CSMD3: variants seen among roughly 807,000 people sequenced by gnomAD.
CSMD3 encodes the protein CUB and sushi domain-containing protein 3.
In CSMD3, 177 loss-of-function variants were observed where a neutral mutation model predicts 435.2. The observed-to-expected ratio is 0.41, with a 90% CI of 0.36 to 0.46. The LOEUF is 0.46. Among genes scored for constraint, CSMD3 ranks in the 20% least tolerant of loss-of-function variants. The pLI is 0.34. For missense variants in CSMD3, 4,265 were observed against 4,504.6 expected (o/e 0.95, Z 1.52); for synonymous variants, 1,656 against 1,520.5 (o/e 1.09, Z -2.07).
At chr8:112,301,551 A>G (rs570198544) in intron 53 of CSMD3, among the ~76,000 whole-genome samples, 2 of 152,286 alleles carry the variant, frequency 1.3e-5, no homozygotes, top group East Asian at 3.9e-4. Flanking sequence ...TTTCACCATT[A>G]TATTTTCACC....
In CSMD3 at chr8:112,587,076, TCTC is replaced by T; in HGVS notation, c.3872_3874del (p.Gly1291del). The T allele has an allele frequency of 6.2e-7, 1 of 1,610,118 alleles. No homozygotes were observed. The highest frequency in any genetic ancestry group is 8.5e-7 in the Non-Finnish European group (1 of 1,177,298). The stretch of plus-strand genomic sequence containing the variant: ...TCTGAGTTCACCTACCTTAAGAACA[TCTC>T]CTTGTGCTAAATGAAATGTTCTGGC... On this transcript the variant is annotated inframe_deletion, in exon 23 of 71. Coordinates refer to ENST00000297405, the MANE Select transcript of CSMD3 (RefSeq NM_198123.2).
intron 5 of CSMD3, among the ~76,000 whole-genome samples, chr8:113,065,834 A>G (rs1344773229): frequency 6.6e-6 from 1 of 152,180 alleles, no homozygotes; most frequent in Non-Finnish European, 1.5e-5. Context: ...TCAAGTCAAT[A>G]GTTTTTATAT....
intron 10 of CSMD3, among the ~76,000 whole-genome samples, chr8:112,879,737 T>C (rs963325091): frequency 2.6e-5 from 4 of 152,056 alleles, no homozygotes; most frequent in Non-Finnish European, 5.9e-5. Context: ...AGAATCTACA[T>C]TGAAGTATCA....
intron 3 of CSMD3, among the ~76,000 whole-genome samples, chr8:113,218,205 A>T (rs2092927954): frequency 6.6e-6 from 1 of 150,510 alleles, no homozygotes; most frequent in African/African-American, 2.4e-5. Flanking sequence ...GCACAAAACT[A>T]TAGGGAATAT....
In CSMD3 at chr8:113,067,340, A is replaced by T. The variant is rs555760012; in HGVS notation, c.917+31416T>A. Among the ~76,000 whole-genome samples, 3 of 152,264 alleles carry T rather than the reference A, an allele frequency of 2.0e-5. No homozygotes were observed. In the South Asian group the frequency reaches 6.2e-4, roughly 32 times the overall value. On this transcript the variant is annotated intron_variant, in intron 5 of 70. Transcript: ENST00000297405. Reference sequence around the variant, plus strand: ...TGATTCCATTACAAACTTCTTAGACATATGAAATGTCTTCAGACTATTCAT... The same window carrying T: ...TGATTCCATTACAAACTTCTTAGACTTATGAAATGTCTTCAGACTATTCAT...
intron 35 of CSMD3, among the ~76,000 whole-genome samples, chr8:112,405,901 G>C (rs905002086): frequency 6.6e-6 from 1 of 152,032 alleles, no homozygotes; most frequent in Non-Finnish European, 1.5e-5. Flanking sequence ...TTCAAAGGAT[G>C]ACTACCAGAG....
chr8:112,455,978 C>T (rs1016553128), intron 32 of CSMD3, among the ~76,000 whole-genome samples: 2 of 151,908 alleles, frequency 1.3e-5, no homozygotes, highest in Non-Finnish European at 2.9e-5. Flanking sequence ...TTTTATTTAT[C>T]AATGGTCTAG....
At chr8:112,464,119 T>A (rs567431887) in intron 32 of CSMD3, among the ~76,000 whole-genome samples, 11 of 151,482 alleles carry the variant, frequency 7.3e-5, no homozygotes, top group Admixed American at 5.9e-4. Context: ...GCACCTGTAG[T>A]CCCAGCTACT....
intron 3 of CSMD3, among the ~76,000 whole-genome samples, chr8:113,257,546 C>CT (rs1462921878): frequency 3.3e-5 from 5 of 152,174 alleles, no homozygotes; most frequent in Non-Finnish European, 7.3e-5. Flanking sequence ...CTTGTCTAAT[C>CT]TATCTATTCA....
chr8:112,846,941 C>T (rs943854351), intron 11 of CSMD3, among the ~76,000 whole-genome samples: 2 of 152,006 alleles, frequency 1.3e-5, no homozygotes, highest in East Asian at 1.9e-4. Flanking sequence ...ACTGCCAAGC[C>T]TGGGTGTTCT....
rs1171754070 is a variant in CSMD3, at chr8:112,969,763, G to A, written c.1342+6074C>T. Among the ~76,000 whole-genome samples the A allele has an allele frequency of 2.0e-5, 3 of 152,036 alleles. No homozygotes were observed. In the East Asian group the frequency reaches 5.8e-4, roughly 29 times the overall value. ...CAACTATCAAAACTGCTCTTTAACA[G>A]CTGATAGGACTTGTCCACATATTGA... is the stretch of plus-strand genomic sequence containing the variant. On this transcript the variant is annotated intron_variant, in intron 7 of 70. Transcript: ENST00000297405.
At position 112,337,697 on chromosome 8, in the gene CSMD3, C is replaced by T. The variant is rs142738941; in HGVS notation, c.6687G>A (p.Pro2229=). ...YQLQSCPDPR[P]FRNGFVIGND... Reference sequence around the variant, plus strand: ...TACCAATTACAAAACCATTTCGAAACGGGCGTGGATCAGGACAGCTTTGCA... The same window carrying T: ...TACCAATTACAAAACCATTTCGAAATGGGCGTGGATCAGGACAGCTTTGCA... Residue 2229 remains proline, a synonymous_variant, in exon 43 of 71, where the codon CCG becomes CCA. Transcript: ENST00000297405. 22 of 1,613,528 alleles carry T rather than the reference C, an allele frequency of 1.4e-5. No homozygotes were observed. The highest frequency in any genetic ancestry group is 4.5e-5 in the East Asian group (2 of 44,846).
chr8:112,763,594 G>T (rs1458392140), intron 13 of CSMD3, among the ~76,000 whole-genome samples: 9 of 145,670 alleles, frequency 6.2e-5, no homozygotes, highest in Non-Finnish European at 1.1e-4. Context: ...ATGCATCCTA[G>T]ATAAAAAATA....
chr8:112,716,368 A>C (rs1461378654), intron 13 of CSMD3, among the ~76,000 whole-genome samples: 1 of 151,956 alleles, frequency 6.6e-6, no homozygotes, highest in African/African-American at 2.4e-5. Context: ...AGCTAACAGA[A>C]ACGTGAAGGA....
chr8:112,278,286 A>T (rs1424248444), intron 59 of CSMD3, among the ~76,000 whole-genome samples: 5 of 152,136 alleles, frequency 3.3e-5, no homozygotes, highest in African/African-American at 1.2e-4. Context: ...GTGCTGTGCT[A>T]GTGTACTTAC....
intron 33 of CSMD3, 109 bp downstream of exon 33, chr8:112,408,809 GT>G: frequency 1.0e-5 from 16 of 1,549,006 alleles, no homozygotes; most frequent in Non-Finnish European, 1.4e-5. Flanking sequence ...ACTATTTTCA[GT>G]TTGCTTTATT....
intron 7 of CSMD3, among the ~76,000 whole-genome samples, chr8:112,972,541 T>A (rs1463469053): frequency 6.6e-6 from 1 of 151,850 alleles, no homozygotes; most frequent in Admixed American, 6.6e-5. Context: ...AATATATTAT[T>A]ATGGATTAAT....
At chr8:112,497,246 T>A (rs1033967362) in intron 30 of CSMD3, among the ~76,000 whole-genome samples, 6 of 152,098 alleles carry the variant, frequency 3.9e-5, no homozygotes, top group Non-Finnish European at 7.4e-5. Context: ...GGACAGTTAA[T>A]GGTATGAAAA....
At chr8:112,882,705 A>C (rs1383555966) in intron 10 of CSMD3, among the ~76,000 whole-genome samples, 1 of 152,036 alleles carries the variant, frequency 6.6e-6, no homozygotes, top group Non-Finnish European at 1.5e-5. Context: ...TCTTCGGTTT[A>C]CATTGAACAA....
Sources: gnomAD v4.1 joint callset for allele counts (sites outside exome capture counted in the v4.1 genomes callset) on GRCh38, gnomAD v4.1.1 for gene constraint, MANE v1.5 for transcripts, NCBI Gene and HGNC (gene_info 2026-07-23, HGNC 2026-07-21) for gene names.